The following EPHA6 variants were observed in gnomAD, a reference collection of about 807,000 sequenced individuals.
EPHA6 encodes the protein EPH receptor A6, also known as ephrin type-A receptor 6.
Under a neutral mutation model 112.0 loss-of-function variants are expected in EPHA6, and 50 were observed. The ratio of observed to expected loss-of-function variants is 0.45; its 90% CI spans 0.36 to 0.56. EPHA6 has a LOEUF of 0.56. Ranked by LOEUF, EPHA6 falls within the 20% of genes least tolerant of loss-of-function variation. The pLI, the probability that EPHA6 is intolerant of heterozygous loss-of-function variation, is 0.00. For synonymous variants in EPHA6, 529 were observed against 490.7 expected, an observed-to-expected ratio of 1.08 and a Z score of -1.03; for missense variants, 1,280 against 1,417.4, an observed-to-expected ratio of 0.90 and a Z score of 1.56.
At chr3:97,206,541 A>G (rs1034100150) in intron 3 of EPHA6, among the ~76,000 whole-genome samples, 1 of 151,866 alleles carries the variant, frequency 6.6e-6, no homozygotes, top group African/African-American at 2.4e-5. Context: ...TTCTCATTCT[A>G]CCTTTCCATA....
At chr3:97,734,875 A>G (rs753374225) in intron 15 of EPHA6, among the ~76,000 whole-genome samples, 30 of 152,030 alleles carry the variant, frequency 2.0e-4, no homozygotes, top group Non-Finnish European at 3.5e-4. Flanking sequence ...TGAACATTTT[A>G]TGAAAACCTA....
chr3:97,358,606 C>G (rs1027629556), intron 5 of EPHA6, among the ~76,000 whole-genome samples: 1 of 151,904 alleles, frequency 6.6e-6, no homozygotes, highest in African/African-American at 2.4e-5. Context: ...TACAATAATA[C>G]TTACTATCTT....
intron 2 of EPHA6, among the ~76,000 whole-genome samples, chr3:96,907,296 G>T (rs1363356036): frequency 6.6e-6 from 1 of 151,542 alleles, no homozygotes; most frequent in Non-Finnish European, 1.5e-5. Flanking sequence ...TGTTCAAGGG[G>T]CTGTTAAAGG....
chr3:97,747,301 A>G lies in EPHA6; in HGVS notation c.3129-122A>G, dbSNP rs917800093. 3.5e-6 allele frequency: 3 copies of G among 865,804 alleles called. No homozygotes were observed. The African/African-American group carries it at 5.3e-5, about 15-fold the overall frequency. 53.6% of individuals were successfully genotyped at this position (865,804 alleles called of 1,614,324 possible). On this transcript the variant is annotated intron_variant, in intron 16 of 17. Coordinates refer to ENST00000389672, the MANE Select transcript of EPHA6 (RefSeq NM_001080448.3). ...ATAAGATAGAAAATCAGAGGCTTTC[A>G]AATGGAGAATAAAAACATTAGATGT...
intron 3 of EPHA6, among the ~76,000 whole-genome samples, chr3:97,064,602 A>G (rs1326272098): frequency 6.6e-6 from 1 of 152,182 alleles, no homozygotes; most frequent in African/African-American, 2.4e-5. Context: ...TTAATGAATA[A>G]CTGAACAAAT....
chr3:97,577,800 T>C (rs375678149), intron 11 of EPHA6, among the ~76,000 whole-genome samples: 2 of 152,108 alleles, frequency 1.3e-5, no homozygotes, highest in African/African-American at 4.8e-5. Context: ...CGGTTTTTTG[T>C]TTTTGTTTTT....
intron 3 of EPHA6, among the ~76,000 whole-genome samples, chr3:97,150,936 A>C (rs2076156841): frequency 6.6e-6 from 1 of 152,086 alleles, no homozygotes; most frequent in Admixed American, 6.6e-5. Context: ...TAATTCACTA[A>C]TTCATTCATT....
intron 14 of EPHA6, among the ~76,000 whole-genome samples, chr3:97,706,262 A>C (rs1222720666): frequency 2.0e-5 from 3 of 152,226 alleles, no homozygotes; most frequent in Non-Finnish European, 4.4e-5. Context: ...TTTAGGAAAA[A>C]AAACACTCAT....
At chr3:97,125,109 T>G (rs140258803) in intron 3 of EPHA6, among the ~76,000 whole-genome samples, 1 of 151,418 alleles carries the variant, frequency 6.6e-6, no homozygotes, top group African/African-American at 2.5e-5. Flanking sequence ...CATATGTGCC[T>G]TTGGGCTATC....
chr3:96,830,646 A>G (rs1402608260), intron 1 of EPHA6, among the ~76,000 whole-genome samples: 1 of 152,070 alleles, frequency 6.6e-6, no homozygotes, highest in Non-Finnish European at 1.5e-5. Flanking sequence ...AAATGTAAAT[A>G]TATTACATTT....
At chr3:97,301,509 A>T (rs2081090124) in intron 5 of EPHA6, among the ~76,000 whole-genome samples, 1 of 152,166 alleles carries the variant, frequency 6.6e-6, no homozygotes, top group Admixed American at 6.6e-5. Flanking sequence ...CAAGTTAGTG[A>T]TAAGGAAATT....
At chr3:97,567,992 A>T (rs886921059) in intron 11 of EPHA6, among the ~76,000 whole-genome samples, 1 of 152,086 alleles carries the variant, frequency 6.6e-6, no homozygotes, top group Admixed American at 6.6e-5. Flanking sequence ...GTTGCCTGGC[A>T]CCTGGCCCTG....
chr3:97,221,688 G>A (rs1045305925), intron 3 of EPHA6, among the ~76,000 whole-genome samples: 10 of 151,998 alleles, frequency 6.6e-5, no homozygotes, highest in Non-Finnish European at 1.3e-4. Context: ...TCTCATGTTC[G>A]GTATTAGCAT....
chr3:97,729,011 A>G (rs2034908515), intron 15 of EPHA6, among the ~76,000 whole-genome samples: 3 of 152,094 alleles, frequency 2.0e-5, no homozygotes, highest in Non-Finnish European at 4.4e-5. Flanking sequence ...TGTGACTTCC[A>G]AAAAGAAAGG....
chr3:97,610,642 A>C (rs2093711592), intron 12 of EPHA6, 151 bp from the exon 13 acceptor site: 3 of 667,224 alleles, frequency 4.5e-6, no homozygotes, highest in Admixed American at 2.9e-5. Context: ...GCCTATGTAT[A>C]ATATGAATAC....
intron 1 of EPHA6, among the ~76,000 whole-genome samples, chr3:96,852,575 CTTACT>C (rs1438311841): frequency 6.9e-6 from 1 of 144,766 alleles, no homozygotes; most frequent in Admixed American, 7.1e-5. Flanking sequence ...AGTACAGTAT[CTTACT>C]AAGTTTTTGA....
intron 2 of EPHA6, among the ~76,000 whole-genome samples, chr3:96,930,351 C>T (rs1004042726): frequency 8.5e-5 from 13 of 152,092 alleles, no homozygotes; most frequent in Non-Finnish European, 1.6e-4. Flanking sequence ...TTTATGGGGT[C>T]TTTAAGGTTG....
intron 2 of EPHA6, among the ~76,000 whole-genome samples, chr3:96,950,332 A>C (rs2107717074): frequency 6.6e-6 from 1 of 152,208 alleles, no homozygotes; most frequent in African/African-American, 2.4e-5. Flanking sequence ...TCACCTATAA[A>C]GTGTAGGACC....
chr3:97,725,748 C>A (rs1336093667), intron 15 of EPHA6, among the ~76,000 whole-genome samples: 1 of 152,034 alleles, frequency 6.6e-6, no homozygotes, highest in Non-Finnish European at 1.5e-5. Flanking sequence ...GAAGCAGATG[C>A]CAGTAAAACC....
Sources: allele counts gnomAD v4.1 joint callset (sites outside exome capture counted in the v4.1 genomes callset), GRCh38; gene constraint gnomAD v4.1.1; transcripts MANE v1.5; gene names NCBI Gene and HGNC (gene_info 2026-07-23, HGNC 2026-07-21).